The following KCNQ5 variants were observed in gnomAD, a reference collection of about 807,000 sequenced individuals.
The protein encoded by KCNQ5 is potassium voltage-gated channel subfamily KQT member 5.
A neutral mutation model predicts 98.2 loss-of-function variants in KCNQ5; 30 were observed. The ratio of observed to expected loss-of-function variants is 0.31; its 90% CI spans 0.23 to 0.41. The LOEUF is 0.41. KCNQ5 is among the 10% of genes least tolerant of loss of function. The pLI, the probability that KCNQ5 is intolerant of heterozygous loss-of-function variation, is 1.00. For synonymous variants in KCNQ5, 458 were observed against 449.4 expected (o/e 1.02, Z -0.24); for missense variants, 835 against 1,182.5 (o/e 0.71, Z 4.31).
chr6:72,818,916 C>G (rs2150111614), intron 1 of KCNQ5, among the ~76,000 whole-genome samples: 1 of 151,592 alleles, frequency 6.6e-6, no homozygotes, highest in South Asian at 2.1e-4. Context: ...CACAGTAATG[C>G]TTCAGTCAGA....
At chr6:72,881,686 T>TTTTTA (rs1343529541) in intron 1 of KCNQ5, among the ~76,000 whole-genome samples, 15 of 152,188 alleles carry the variant, frequency 9.9e-5, no homozygotes, top group Admixed American at 2.6e-4. Flanking sequence ...TTATATTACT[T>TTTTTA]TTTTATTTTA....
chr6:72,639,642 G>T (rs2098926142), intron 1 of KCNQ5, among the ~76,000 whole-genome samples: 2 of 152,152 alleles, frequency 1.3e-5, no homozygotes, highest in Admixed American at 1.3e-4. Flanking sequence ...AAGCAATCTT[G>T]CAGTCTCTAA....
At chr6:73,014,054 A>C (rs887561330) in intron 2 of KCNQ5, among the ~76,000 whole-genome samples, 6 of 152,108 alleles carry the variant, frequency 3.9e-5, no homozygotes, top group Non-Finnish European at 2.9e-5. Context: ...GGTGAGTATC[A>C]TGCTGTTGAA....
rs67751274 is a variant in KCNQ5 at position 73,040,026 on chromosome 6, T to TAA, written c.490-1901_490-1900dup. On this transcript the variant is annotated intron_variant, in intron 2 of 13. Coordinates refer to ENST00000370398, the MANE Select transcript of KCNQ5 (RefSeq NM_019842.4). ...TCTTGTCATTTTCCCCTCACCTTCTTAAAAAAAAAAGCAGCAAGCAATATT... is the reference window on the plus strand; with the variant it reads ...TCTTGTCATTTTCCCCTCACCTTCTTAAAAAAAAAAAAGCAGCAAGCAATATT... Among the ~76,000 whole-genome samples, 12 of 148,390 alleles carry TAA rather than the reference T, an allele frequency of 8.1e-5. No individual in the cohort carries two copies. In the South Asian group the frequency reaches 8.6e-4, roughly 11 times the overall value.
At chr6:72,971,433 T>G (rs1562101468) in intron 1 of KCNQ5, among the ~76,000 whole-genome samples, 1 of 152,214 alleles carries the variant, frequency 6.6e-6, no homozygotes. Flanking sequence ...TGGAAGACAG[T>G]GTGGCTATTC....
At chr6:72,760,337 G>A (rs1346916563) in intron 1 of KCNQ5, among the ~76,000 whole-genome samples, 2 of 150,520 alleles carry the variant, frequency 1.3e-5, no homozygotes, top group South Asian at 4.2e-4. Context: ...CTAATAAAAA[G>A]ACAGGCTTGT....
At chr6:72,854,773 TG>T (rs1562026599) in intron 1 of KCNQ5, among the ~76,000 whole-genome samples, 44 of 146,072 alleles carry the variant, frequency 3.0e-4, no homozygotes, top group African/African-American at 1.1e-3. Context: ...TGTGTGTGTG[TG>T]TGTGTGTGTG....
At chr6:72,952,785 T>C (rs1228951741) in intron 1 of KCNQ5, among the ~76,000 whole-genome samples, 1 of 152,210 alleles carries the variant, frequency 6.6e-6, no homozygotes, top group African/African-American at 2.4e-5. Flanking sequence ...AAGACCTTTC[T>C]CGGGAATCTT....
At chr6:73,021,306 G>C (rs1770597223) in intron 2 of KCNQ5, among the ~76,000 whole-genome samples, 1 of 152,176 alleles carries the variant, frequency 6.6e-6, no homozygotes, top group African/African-American at 2.4e-5. Flanking sequence ...CTATTTGTTA[G>C]TAGTCTATGT....
intron 1 of KCNQ5, among the ~76,000 whole-genome samples, chr6:72,854,063 A>G (rs765077053): frequency 3.3e-5 from 5 of 152,178 alleles, no homozygotes; most frequent in Admixed American, 1.3e-4. Flanking sequence ...TATCTGTGCA[A>G]TGAGGTTACA....
At chr6:72,731,307 A>T (rs6453598) in intron 1 of KCNQ5, among the ~76,000 whole-genome samples, 55,651 of 152,126 alleles carry the variant, frequency 0.37, 13,806 homozygotes, top group African/African-American at 0.67. Context: ...GATAGAAAGG[A>T]CTCAGAAGGC....
intron 5 of KCNQ5, among the ~76,000 whole-genome samples, chr6:73,093,534 A>C (rs1192479277): frequency 1.3e-5 from 2 of 152,072 alleles, no homozygotes; most frequent in Non-Finnish European, 2.9e-5. Context: ...TTTTTGATGT[A>C]GGCATTTATG....
At chr6:72,788,362 G>T (rs963038741) in intron 1 of KCNQ5, among the ~76,000 whole-genome samples, 6 of 152,218 alleles carry the variant, frequency 3.9e-5, no homozygotes, top group Non-Finnish European at 7.3e-5. Context: ...TCTGTAAGAT[G>T]GGAAGAGTTA....
At chr6:72,737,173 C>T (rs1418780319) in intron 1 of KCNQ5, among the ~76,000 whole-genome samples, 7 of 152,284 alleles carry the variant, frequency 4.6e-5, no homozygotes, top group African/African-American at 1.7e-4. Flanking sequence ...GTTGGCCAAG[C>T]TGGTTTGAAC....
chr6:72,692,076 A>C (rs1477631041), intron 1 of KCNQ5, among the ~76,000 whole-genome samples: 1 of 152,308 alleles, frequency 6.6e-6, no homozygotes, highest in African/African-American at 2.4e-5. Context: ...TAATGTATTC[A>C]TTGCTGTGAT....
At chr6:72,871,727 C>T (rs576489166) in intron 1 of KCNQ5, among the ~76,000 whole-genome samples, 1 of 152,218 alleles carries the variant, frequency 6.6e-6, no homozygotes, top group Non-Finnish European at 1.5e-5. Context: ...AAAGAAACTG[C>T]CCCAGGTTCC....
intron 5 of KCNQ5, among the ~76,000 whole-genome samples, chr6:73,101,825 A>G (rs569982839): frequency 6.6e-6 from 1 of 152,346 alleles, no homozygotes; most frequent in South Asian, 2.1e-4. Flanking sequence ...CATATTTCTC[A>G]AAGCAATCTA....
At chr6:73,156,338 A>G (rs563725917) in intron 10 of KCNQ5, among the ~76,000 whole-genome samples, 6 of 152,394 alleles carry the variant, frequency 3.9e-5, no homozygotes, top group African/African-American at 1.4e-4. Flanking sequence ...TCCTAAAATA[A>G]AAATGAATTG....
chr6:72,868,987 TG>T (rs1778099764), intron 1 of KCNQ5, among the ~76,000 whole-genome samples: 1 of 152,188 alleles, frequency 6.6e-6, no homozygotes, highest in Non-Finnish European at 1.5e-5. Context: ...AGAGTGGGAC[TG>T]TAATGTTCCT....
Sources: allele counts gnomAD v4.1 joint callset (sites outside exome capture counted in the v4.1 genomes callset), GRCh38; gene constraint gnomAD v4.1.1; transcripts MANE v1.5; gene names NCBI Gene and HGNC (gene_info 2026-07-23, HGNC 2026-07-21).